Variants in SLC1A2 observed in about 807,000 individuals in gnomAD.
SLC1A2 encodes the protein solute carrier family 1 member 2, also known as excitatory amino acid transporter 2.
Under a neutral mutation model 48.8 loss-of-function variants are expected in SLC1A2, and 15 were observed. The ratio of observed to expected loss-of-function variants is 0.31; its 90% CI spans 0.21 to 0.47. The LOEUF (loss-of-function observed/expected upper bound fraction) is 0.47. Among genes scored for constraint, SLC1A2 ranks in the 20% least tolerant of loss-of-function variants. SLC1A2 has a pLI of 0.99. For synonymous variants in SLC1A2, 279 were observed against 272.6 expected (o/e 1.02, Z -0.23); for missense variants, 502 against 730.5 (o/e 0.69, Z 3.61).
intron 1 of SLC1A2, 22 bp downstream of exon 1, chr11:35,418,928 G>GTT: frequency 6.4e-7 from 1 of 1,557,030 alleles, no homozygotes; most frequent in Non-Finnish European, 8.7e-7. Flanking sequence ...TTTCCCGCGG[G>GTT]TACAGATAAA....
intron 1 of SLC1A2, among the ~76,000 whole-genome samples, chr11:35,345,073 G>A (rs1852979946): frequency 6.6e-6 from 1 of 150,876 alleles, no homozygotes; most frequent in South Asian, 2.1e-4. Flanking sequence ...AAAAAAAATA[G>A]TCCTTTTAAA....
intron 1 of SLC1A2, among the ~76,000 whole-genome samples, chr11:35,321,958 C>T (rs1342448285): frequency 2.0e-5 from 3 of 152,006 alleles, no homozygotes; most frequent in African/African-American, 7.2e-5. Flanking sequence ...TGCTTGACTG[C>T]CTCCTAAATT....
Position 35,373,837 on chromosome 11 carries a change from T to C in SLC1A2, c.17+45113A>G, listed in dbSNP as rs1230611448. ...AACAGAAATCAGATCATGGGATTAA[T>C]ATAGCTCAAGTTCAAAGTATTAACT... On this transcript the variant is annotated intron_variant, in intron 1 of 10. Coordinates refer to ENST00000278379, the MANE Select transcript of SLC1A2 (RefSeq NM_004171.4). Among the ~76,000 whole-genome samples, 6 of 152,316 alleles carry C rather than the reference T, an allele frequency of 3.9e-5. No individual in the cohort carries two copies. The East Asian group carries it at 9.7e-4, about 25-fold the overall frequency.
chr11:35,398,549 A>G (rs1381613260), intron 1 of SLC1A2, among the ~76,000 whole-genome samples: 2 of 152,208 alleles, frequency 1.3e-5, no homozygotes, highest in African/African-American at 4.8e-5. Context: ...TCACAAAACT[A>G]CGTATCAGGT....
chr11:35,326,611 G>A (rs1309216380), intron 1 of SLC1A2, among the ~76,000 whole-genome samples: 1 of 152,182 alleles, frequency 6.6e-6, no homozygotes, highest in East Asian at 1.9e-4. Flanking sequence ...CTTCTAGACT[G>A]AGCAGCCAAC....
chr11:35,370,135 G>C (rs1321580391), intron 1 of SLC1A2, among the ~76,000 whole-genome samples: 2 of 152,178 alleles, frequency 1.3e-5, no homozygotes. Context: ...CATCAGCCAG[G>C]CAAGGGCTTT....
rs565867937 is a variant in SLC1A2, at chr11:35,316,409, A to T, written c.157+968T>A. On this transcript the variant is annotated intron_variant, in intron 2 of 10. Coordinates refer to ENST00000278379, the MANE Select transcript of SLC1A2 (RefSeq NM_004171.4). ...CTGCAGGTAAAAATCCCACTCTCCAACTTCTTCAAGTCCTGTGATGAATTA... is the reference window on the plus strand; with the variant it reads ...CTGCAGGTAAAAATCCCACTCTCCATCTTCTTCAAGTCCTGTGATGAATTA... The T allele has an allele frequency of 2.0e-5, 3 of 152,278 alleles. No individual in the cohort carries two copies. In the East Asian group the frequency reaches 5.8e-4, roughly 29 times the overall value. 9.4% of individuals were successfully genotyped at this position (152,278 alleles called of 1,614,324 possible). A position where few individuals can be genotyped will look rare whatever the true frequency, so the allele number is the denominator to read the frequency against.
At chr11:35,370,942 T>C in intron 1 of SLC1A2, 1 of 985,124 alleles carries the variant, frequency 1.0e-6, no homozygotes, top group Non-Finnish European at 1.2e-6. Flanking sequence ...AAAACTTGCC[T>C]TGCTTATTTG....
chr11:35,310,815 A>T (rs1418489616), intron 4 of SLC1A2, among the ~76,000 whole-genome samples: 1 of 152,160 alleles, frequency 6.6e-6, no homozygotes, highest in Non-Finnish European at 1.5e-5. Context: ...GTTCCACTCA[A>T]CAGAATCACC....
At chr11:35,264,220 A>G (rs1273584214) in intron 10 of SLC1A2, 5 of 152,250 alleles carry the variant, frequency 3.3e-5, no homozygotes. Flanking sequence ...AGCCTGTGCT[A>G]GTCCACTAGA....
At chr11:35,295,764 C>T (rs1851151653) in intron 6 of SLC1A2, among the ~76,000 whole-genome samples, 1 of 152,178 alleles carries the variant, frequency 6.6e-6, no homozygotes, top group Admixed American at 6.5e-5. Context: ...CTAGCCTCCA[C>T]CTACTTTGTC....
At position 35,317,503 on chromosome 11, in the gene SLC1A2, G is replaced by C; in HGVS notation, c.31C>G (p.Pro11Ala). MASTEGANNMPKQVEVRMHDS... is the reference protein window; with the variant it reads MASTEGANNMAKQVEVRMHDS... The stretch of plus-strand genomic sequence containing the variant: ...TGCATTCGCACTTCCACCTGCTTGG[G>C]CATATTGTTGGCACTGGAACAGAAG... The change falls in exon 2 of 11, where the codon CCC (proline) becomes GCC (alanine). Residue 11 changes from proline (P) to alanine (A), a missense_variant. By Grantham distance (27) the Pro-to-Ala change is conservative. Around this residue, in one of 4 missense-constraint regions of SLC1A2, gnomAD observed 89 missense variants for 119.7 expected, o/e 0.74. Coordinates refer to ENST00000278379, the MANE Select transcript of SLC1A2 (RefSeq NM_004171.4). 6.2e-7 allele frequency: 1 copy of C among 1,613,568 alleles called. No individual in the cohort carries two copies. Among genetic ancestry groups the C allele is most frequent in the Non-Finnish European group, 8.5e-7 (1 of 1,179,922 alleles).
Position 35,309,048 on chromosome 11 carries a change from T to A in SLC1A2, c.562-2806A>T, listed in dbSNP as rs75920670. Among the ~76,000 whole-genome samples, 781 of 152,312 alleles carry A rather than the reference T, an allele frequency of 5.1e-3. 2 individuals are homozygous for A. The highest frequency in any genetic ancestry group is 0.023 in the South Asian group (111 of 4,824). On this transcript the variant is annotated intron_variant, in intron 4 of 10. Transcript: ENST00000278379. ...ATAAGTACTTTTCAGCTTCTGCATA[T>A]CTGTGCCTCTACTGAGAAGCTCCTT...
intron 1 of SLC1A2, among the ~76,000 whole-genome samples, chr11:35,345,130 C>T (rs1852981592): frequency 6.6e-6 from 1 of 152,198 alleles, no homozygotes; most frequent in Non-Finnish European, 1.5e-5. Flanking sequence ...CCAAGCAATC[C>T]AGTCCATGAT....
chr11:35,340,267 A>G (rs115252762), intron 1 of SLC1A2, among the ~76,000 whole-genome samples: 1 of 152,168 alleles, frequency 6.6e-6, no homozygotes, highest in African/African-American at 2.4e-5. Flanking sequence ...GGAGTCCAAA[A>G]TACAGGCCAC....
At chr11:35,310,107 A>G (rs113929966) in intron 4 of SLC1A2, among the ~76,000 whole-genome samples, 9,746 of 152,250 alleles carry the variant, frequency 0.064, 465 homozygotes, top group African/African-American at 0.14. Context: ...TCACTCCAAG[A>G]CCAGAGCAAT....
intron 9 of SLC1A2, among the ~76,000 whole-genome samples, chr11:35,271,659 CGG>C (rs1386250937): frequency 6.6e-6 from 1 of 151,898 alleles, no homozygotes; most frequent in Non-Finnish European, 1.5e-5. Flanking sequence ...CTGGCCAGCA[CGG>C]TGAAACCCCA....
intron 1 of SLC1A2, among the ~76,000 whole-genome samples, chr11:35,396,329 C>A (rs1158333753): frequency 8.0e-6 from 1 of 124,362 alleles, no homozygotes; most frequent in Non-Finnish European, 1.6e-5. Context: ...CACATCCTCT[C>A]CAGCACCTGT....
At chr11:35,395,810 A>C (rs966399931) in intron 1 of SLC1A2, among the ~76,000 whole-genome samples, 5 of 125,182 alleles carry the variant, frequency 4.0e-5, no homozygotes, top group South Asian at 3.3e-4. Flanking sequence ...ATATCTCCCA[A>C]TGCTATCCCT....
Sources: allele counts gnomAD v4.1 joint callset (sites outside exome capture counted in the v4.1 genomes callset), GRCh38; gene constraint gnomAD v4.1.1; regional missense constraint gnomAD v4.1.1; transcripts MANE v1.5; gene names NCBI Gene and HGNC (gene_info 2026-07-23, HGNC 2026-07-21).